PPM1L: variants seen among roughly 807,000 people sequenced by gnomAD.
PPM1L encodes the protein protein phosphatase, Mg2+/Mn2+ dependent 1L.
In PPM1L, 13 loss-of-function variants were observed where a neutral mutation model predicts 31.4. That is an observed-to-expected ratio of 0.41 (90% CI 0.27 to 0.66). The LOEUF (loss-of-function observed/expected upper bound fraction) is 0.66. PPM1L is among the 30% of genes least tolerant of loss of function. PPM1L has a pLI of 0.29. For missense variants in PPM1L, 326 were observed against 453.7 expected, an observed-to-expected ratio of 0.72 and a Z score of 2.56; for synonymous variants, 184 against 175.4, an observed-to-expected ratio of 1.05 and a Z score of -0.39.
intron 1 of PPM1L, among the ~76,000 whole-genome samples, chr3:160,881,853 C>A (rs1466966304): frequency 1.3e-5 from 2 of 152,074 alleles, no homozygotes; most frequent in African/African-American, 4.8e-5. Flanking sequence ...AGATTGAGAC[C>A]ATCCTGGCTA....
intron 1 of PPM1L, among the ~76,000 whole-genome samples, chr3:160,952,055 C>T (rs774968788): frequency 6.6e-6 from 1 of 152,216 alleles, no homozygotes; most frequent in Admixed American, 6.5e-5. Context: ...GAGTGCAAGA[C>T]GGTCATCTCA....
At chr3:160,854,804 A>G (rs1452128768) in intron 1 of PPM1L, among the ~76,000 whole-genome samples, 1 of 151,540 alleles carries the variant, frequency 6.6e-6, no homozygotes, top group African/African-American at 2.4e-5. Flanking sequence ...TACAGATTCA[A>G]TGCTATTTCT....
rs147263847 is a variant in PPM1L at position 160,971,819 on chromosome 3, C to T, written c.574+9909C>T. Among the ~76,000 whole-genome samples the T allele has an allele frequency of 7.5e-3, 1,142 of 152,150 alleles. 21 individuals carry two copies. The highest frequency in any genetic ancestry group is 0.026 in the African/African-American group (1,083 of 41,516). ...CACCCTGTTGCCCAGGCTGGAGTGC[C>T]GTGGCATGATCTTAGCTCTCTGCAA... On this transcript the variant is annotated intron_variant, in intron 2 of 3. Transcript: ENST00000498165.
At chr3:160,770,948 T>A (rs1020363964) in intron 1 of PPM1L, among the ~76,000 whole-genome samples, 5 of 152,138 alleles carry the variant, frequency 3.3e-5, no homozygotes, top group African/African-American at 1.2e-4. Flanking sequence ...AGAGACAAAG[T>A]CATGTCTAGT....
At chr3:160,980,761 A>G (rs7611005) in intron 2 of PPM1L, among the ~76,000 whole-genome samples, 1 of 148,992 alleles carries the variant, frequency 6.7e-6, no homozygotes, top group Non-Finnish European at 1.5e-5. Context: ...AAAGAGAAGG[A>G]AAGACGGAAA....
Position 161,071,529 on chromosome 3 carries a change from C to T in PPM1L, c.*2372C>T, listed in dbSNP as rs999762180. 6.6e-6 allele frequency: 1 copy of T among 152,162 alleles called. No homozygotes were observed. Among genetic ancestry groups the T allele is most frequent in the Admixed American group, 6.5e-5 (1 of 15,274 alleles). The allele number at this position is 152,162 out of a possible 1,614,324, so 9.4% of individuals were successfully genotyped here. A position where few individuals can be genotyped will look rare whatever the true frequency, so the allele number is the denominator to read the frequency against. Reference sequence around the variant, plus strand: ...GGCGTCTTCTAAATTTTGCTTTGTACAATTAATTCATTTCTGATGTTAACC... The same window carrying T: ...GGCGTCTTCTAAATTTTGCTTTGTATAATTAATTCATTTCTGATGTTAACC... On this transcript the variant is annotated 3_prime_UTR_variant, in exon 4 of 4. Transcript: ENST00000498165.
chr3:160,976,757 TTCTC>T (rs1337389737), intron 2 of PPM1L, among the ~76,000 whole-genome samples: 8 of 152,348 alleles, frequency 5.3e-5, no homozygotes, highest in African/African-American at 1.9e-4. Context: ...CATTTGATTC[TTCTC>T]TCTTTTTTTC....
At chr3:160,977,320 T>C (rs6787694) in intron 2 of PPM1L, among the ~76,000 whole-genome samples, 127,877 of 152,218 alleles carry the variant, frequency 0.84, 53,992 homozygotes, top group Middle Eastern at 0.91. Context: ...AATTCTAAAT[T>C]GACTGTGTAG....
chr3:160,823,068 A>C (rs1012159618), intron 1 of PPM1L, among the ~76,000 whole-genome samples: 1 of 152,096 alleles, frequency 6.6e-6, no homozygotes, highest in Non-Finnish European at 1.5e-5. Flanking sequence ...CTGTTATCTC[A>C]AGAGGAAAAA....
At chr3:160,983,163 G>A (rs1716857534) in intron 2 of PPM1L, among the ~76,000 whole-genome samples, 1 of 152,124 alleles carries the variant, frequency 6.6e-6, no homozygotes, top group Non-Finnish European at 1.5e-5. Context: ...TTGTCTGTAG[G>A]CCTTGCATTT....
chr3:160,821,789 G>A (rs1255303478), intron 1 of PPM1L, among the ~76,000 whole-genome samples: 4 of 151,422 alleles, frequency 2.6e-5, no homozygotes, highest in Admixed American at 2.6e-4. Context: ...TTATTTTCTA[G>A]TAGAACTTTG....
intron 2 of PPM1L, among the ~76,000 whole-genome samples, chr3:161,020,476 TC>T (rs1458822399): frequency 6.6e-6 from 1 of 152,174 alleles, no homozygotes. Flanking sequence ...AATAGGAATG[TC>T]CCTTAAATAG....
At position 161,076,906 on chromosome 3, in the gene PPM1L, A is replaced by ATCT. The variant is rs1426316757; in HGVS notation, c.*7751_*7753dup. On this transcript the variant is annotated 3_prime_UTR_variant, in exon 4 of 4. Transcript: ENST00000498165. Reference sequence around the variant, plus strand: ...CATTGCATTTATAACAGATTGATCAATCTTATGAACAGATTACATTGGGAA... The same window carrying ATCT: ...CATTGCATTTATAACAGATTGATCAATCTTCTTATGAACAGATTACATTGGGAA... 2.6e-5 allele frequency: 4 copies of ATCT among 152,244 alleles called. No individual in the cohort carries two copies. Among genetic ancestry groups the ATCT allele is most frequent in the African/African-American group, 9.6e-5 (4 of 41,470 alleles). The allele number at this position is 152,244 out of a possible 1,614,324, so 9.4% of individuals were successfully genotyped here. A position where few individuals can be genotyped will look rare whatever the true frequency, so the allele number is the denominator to read the frequency against.
intron 2 of PPM1L, among the ~76,000 whole-genome samples, chr3:161,021,198 A>G (rs969541741): frequency 1.3e-5 from 2 of 151,950 alleles, no homozygotes; most frequent in Admixed American, 6.6e-5. Flanking sequence ...AAAACACTTT[A>G]GCTGTATCCC....
chr3:160,936,935 G>A (rs558950194), intron 1 of PPM1L, among the ~76,000 whole-genome samples: 7 of 152,206 alleles, frequency 4.6e-5, no homozygotes, highest in Admixed American at 3.3e-4. Flanking sequence ...TGTGAATTTT[G>A]TTCAGGCTGA....
chr3:160,769,088 A>G (rs112410539), intron 1 of PPM1L, among the ~76,000 whole-genome samples: 2,522 of 152,274 alleles, frequency 0.017, 66 homozygotes, highest in African/African-American at 0.057. Flanking sequence ...CTAAACCAAT[A>G]ACTTGGTCAT....
chr3:160,903,193 G>GTGTGTGTGT lies in PPM1L; in HGVS notation c.400-58543_400-58542insTGTGTGTGT, dbSNP rs1553819620. 5.6e-5 allele frequency among the ~76,000 whole-genome samples: 7 copies of GTGTGTGTGT among 124,192 alleles called. No homozygotes were observed. The East Asian group carries it at 8.4e-4, about 15-fold the overall frequency. The allele number at this position is 124,192 out of a possible 152,430, so 81.5% of individuals were successfully genotyped here. ...TGTGTGTGTGTGTGTGTGTGTGTGT[G>GTGTGTGTGT]GTATGTGTGTATGTTTGTGTGTGTG... On this transcript the variant is annotated intron_variant, in intron 1 of 3. Coordinates refer to ENST00000498165, the MANE Select transcript of PPM1L (RefSeq NM_139245.4).
chr3:160,873,747 A>G (rs1228303172), intron 1 of PPM1L, among the ~76,000 whole-genome samples: 1 of 152,026 alleles, frequency 6.6e-6, no homozygotes, highest in African/African-American at 2.4e-5. Context: ...GGGTTTCACC[A>G]TGTTGGCTAG....
At chr3:160,919,589 C>G (rs149415021) in intron 1 of PPM1L, among the ~76,000 whole-genome samples, 1 of 152,094 alleles carries the variant, frequency 6.6e-6, no homozygotes, top group Non-Finnish European at 1.5e-5. Context: ...AAGCTAAGAA[C>G]GCGTAGCTTT....
Sources: allele counts gnomAD v4.1 joint callset (sites outside exome capture counted in the v4.1 genomes callset), GRCh38; gene constraint gnomAD v4.1.1; transcripts MANE v1.5; gene names NCBI Gene and HGNC (gene_info 2026-07-23, HGNC 2026-07-21).